Variants in UBE2O observed in about 807,000 individuals in gnomAD.
UBE2O encodes ubiquitin conjugating enzyme E2 O, also known as (E3-independent) E2 ubiquitin-conjugating enzyme.
UBE2O carries 15 observed loss-of-function variants against 125.8 expected under a neutral mutation model. The ratio of observed to expected loss-of-function variants is 0.12; its 90% CI spans 0.08 to 0.18. UBE2O has a LOEUF of 0.18. Ranked by LOEUF, UBE2O falls within the 10% of genes least tolerant of loss-of-function variation. UBE2O has a pLI of 1.00. For missense variants in UBE2O, 1,280 were observed against 1,723.6 expected (o/e 0.74, Z 4.56); for synonymous variants, 708 against 703.2 (o/e 1.01, Z -0.11).
Position 76,402,585 on chromosome 17 carries a change from TG to T in UBE2O, c.686+16del. The T allele has an allele frequency of 6.2e-7, 1 of 1,609,772 alleles. No individual in the cohort carries two copies. The highest frequency in any genetic ancestry group is 8.5e-7 in the Non-Finnish European group (1 of 1,176,076). On this transcript the variant is annotated intron_variant, in intron 4 of 17. Transcript: ENST00000319380. The surrounding 1 kb of genome is among the most constrained non-coding windows in gnomAD (Gnocchi z 5.4). ...TATCCTTCCCAAGCCGATGGCTCTC[TG>T]GTGGTGAGACTCTACCTGGCGCCGT...
chr17:76,392,001 C>A lies in UBE2O; in HGVS notation c.3059G>T (p.Cys1020Phe). 6.3e-7 allele frequency: 1 copy of A among 1,599,454 alleles called. No homozygotes were observed. ...NIYPAVPPHF[C>F]YLSQCSGRLN... ...GCGGCCACTGCATTGGGAGAGGTAG[C>A]AGAAGTGGGGGGGCACGGCTGGGTA... Residue 1020 changes from cysteine to phenylalanine, a missense_variant, in exon 16 of 18, where the codon TGC becomes TTC. By Grantham distance (205) the Cys-to-Phe change is radical. Around this residue, in one of 10 missense-constraint regions of UBE2O, gnomAD observed 37 missense variants for 115.6 expected, o/e 0.32. Transcript: ENST00000319380.
chr17:76,421,218 G>A (rs546390656), intron 1 of UBE2O, among the ~76,000 whole-genome samples: 17 of 152,294 alleles, frequency 1.1e-4, no homozygotes, highest in African/African-American at 3.9e-4. Context: ...GAGCCCAACC[G>A]TAGGGAAACA....
At chr17:76,446,627 T>G (rs2073157225) in intron 1 of UBE2O, among the ~76,000 whole-genome samples, 1 of 152,206 alleles carries the variant, frequency 6.6e-6, no homozygotes, top group Admixed American at 6.5e-5. Context: ...CAAGGAATCC[T>G]TCCTGAACCT....
At chr17:76,409,408 T>G (rs1400612618) in intron 1 of UBE2O, among the ~76,000 whole-genome samples, 2 of 151,750 alleles carry the variant, frequency 1.3e-5, no homozygotes, top group East Asian at 3.9e-4. Context: ...CTACTTTTTT[T>G]TTTTTTGAGA....
At position 76,452,709 on chromosome 17, in the gene UBE2O, C is replaced by T. The variant is rs751461817; in HGVS notation, c.417+16G>A. The T allele has an allele frequency of 8.0e-6, 11 of 1,381,338 alleles. No individual in the cohort carries two copies. The highest frequency in any genetic ancestry group is 5.1e-5 in the South Asian group (3 of 58,412). The allele number at this position is 1,381,338 out of a possible 1,614,324, so 85.6% of individuals were successfully genotyped here. A position where few individuals can be genotyped will look rare whatever the true frequency, so the allele number is the denominator to read the frequency against. Reference sequence around the variant, plus strand: ...ACCCCCTGCCGCCCGCGCCGCCCAGCCCCCGCCCGCCGCACCTTGGTCTCC... The same window carrying T: ...ACCCCCTGCCGCCCGCGCCGCCCAGTCCCCGCCCGCCGCACCTTGGTCTCC... On this transcript the variant is annotated intron_variant, in intron 1 of 17. Coordinates refer to ENST00000319380, the MANE Select transcript of UBE2O (RefSeq NM_022066.4). This position sits in a 1 kb window ranked among gnomAD's most constrained non-coding sequence, Gnocchi z 4.4.
intron 15 of UBE2O, among the ~76,000 whole-genome samples, chr17:76,394,099 G>A (rs978203584): frequency 1.3e-5 from 2 of 152,226 alleles, no homozygotes; most frequent in African/African-American, 4.8e-5. Context: ...GCAGCACTGG[G>A]CCTTAGGACT....
Position 76,400,321 on chromosome 17 carries a change from G to A in UBE2O, c.1005-24C>T, listed in dbSNP as rs1042234259. 9 of 1,611,234 alleles carry A rather than the reference G, an allele frequency of 5.6e-6. No individual in the cohort carries two copies. Among genetic ancestry groups the A allele is most frequent in the Non-Finnish European group, 7.6e-6 (9 of 1,178,134 alleles). The stretch of plus-strand genomic sequence containing the variant: ...CCCTGGTTGGGGAAGAAGTGGGGGT[G>A]AGCTGGGCTGGACTCCTGGGAGGCC... On this transcript the variant is annotated intron_variant, in intron 7 of 17. Transcript: ENST00000319380. The surrounding 1 kb of genome is among the most constrained non-coding windows in gnomAD (Gnocchi z 4.3).
In UBE2O at chr17:76,400,435, G is replaced by A; in HGVS notation, c.1004+6C>T. 1.2e-6 allele frequency: 2 copies of A among 1,608,462 alleles called. No individual in the cohort carries two copies. The highest frequency in any genetic ancestry group is 1.7e-6 in the Non-Finnish European group (2 of 1,176,792). ...CCTGGGTTGCTGGCAGTAAGGGCAT[G>A]CTTACCTGCCTAGGTTTTCCTGGGT... On this transcript the variant is annotated splice_donor_region_variant and intron_variant, in intron 7 of 17. Coordinates refer to ENST00000319380, the MANE Select transcript of UBE2O (RefSeq NM_022066.4). The surrounding 1 kb of genome is among the most constrained non-coding windows in gnomAD (Gnocchi z 4.3).
rs1223287943 is a variant in UBE2O, at chr17:76,402,611, T to C, written c.677A>G (p.Asn226Ser). ...LKNQIILKLS[N>S]GARCSMNTED... ...GGTGGTGAGACTCTACCTGGCGCCG[T>C]TGGATAGCTTCAGGATGATCTGGTT... Residue 226 changes from asparagine (N) to serine (S), a missense_variant, in exon 4 of 18, where the codon AAC becomes AGC. Around this residue, in one of 10 missense-constraint regions of UBE2O, gnomAD observed 206 missense variants for 315.7 expected, o/e 0.65. Transcript: ENST00000319380. This position sits in a 1 kb window ranked among gnomAD's most constrained non-coding sequence, Gnocchi z 5.4. 5.0e-6 allele frequency: 8 copies of C among 1,613,810 alleles called. No individual in the cohort carries two copies. Among genetic ancestry groups the C allele is most frequent in the Admixed American group, 1.7e-5 (1 of 59,990 alleles).
At chr17:76,424,416 C>A (rs1259855210) in intron 1 of UBE2O, among the ~76,000 whole-genome samples, 1 of 149,692 alleles carries the variant, frequency 6.7e-6, no homozygotes, top group Non-Finnish European at 1.5e-5. Context: ...ACCATATTGG[C>A]CAGGCTGGTC....
intron 1 of UBE2O, among the ~76,000 whole-genome samples, chr17:76,421,568 T>C (rs189230867): frequency 6.6e-6 from 1 of 152,164 alleles, no homozygotes; most frequent in Admixed American, 6.5e-5. Context: ...TTTCTCCATG[T>C]TGGTCAGGCT....
chr17:76,399,580 G>A lies in UBE2O; in HGVS notation c.1497C>T (p.Ser499=). 6.2e-7 allele frequency: 1 copy of A among 1,614,236 alleles called. No homozygotes were observed. Among genetic ancestry groups the A allele is most frequent in the Non-Finnish European group, 8.5e-7 (1 of 1,180,044 alleles). Reference sequence around the variant, plus strand: ...TGCCGCTCTGGGAGGAAGTGGTGGAGCTGGCAGAGGAGGTCACCGAACTGG... The same window carrying A: ...TGCCGCTCTGGGAGGAAGTGGTGGAACTGGCAGAGGAGGTCACCGAACTGG... ...DDTSSVTSSA[S]STTSSQSGSG... Residue 499 remains serine, a synonymous_variant, in exon 9 of 18, where the codon AGC becomes AGT. Transcript: ENST00000319380. This position sits in a 1 kb window ranked among gnomAD's most constrained non-coding sequence, Gnocchi z 6.9.
rs370912660 is a variant in UBE2O, at chr17:76,401,053, G to A, written c.852C>T (p.Pro284=). The change falls in exon 6 of 18, where the codon CCC becomes CCT. Residue 284 remains proline (P), a synonymous_variant. Transcript: ENST00000319380. ...GGAACTTGCTCTTGGTGCTGAGCACGGGCTTGACACCTGACAGCCACTGGA... is the reference window on the plus strand; with the variant it reads ...GGAACTTGCTCTTGGTGCTGAGCACAGGCTTGACACCTGACAGCCACTGGA... The part of the protein sequence containing the change: ...SSVQWLSGVK[P]VLSTKSKFRV... 1.4e-5 allele frequency: 22 copies of A among 1,613,710 alleles called. No homozygotes were observed. The highest frequency in any genetic ancestry group is 1.8e-5 in the Non-Finnish European group (21 of 1,180,028).
chr17:76,389,457 G>C lies in UBE2O; in HGVS notation c.*1486C>G, dbSNP rs1309898868. The C allele has an allele frequency of 1.4e-5, 2 of 138,494 alleles. No homozygotes were observed. The highest frequency in any genetic ancestry group is 3.0e-5 in the Non-Finnish European group (2 of 66,312). The allele number at this position is 138,494 out of a possible 1,614,324, so 8.6% of individuals were successfully genotyped here. On this transcript the variant is annotated 3_prime_UTR_variant, in exon 18 of 18. Transcript: ENST00000319380. ...GACACAAAGGCAACGGAGCCCAGAT[G>C]AATGGCAGAGGGAGGTTTAATGGTG... is the stretch of plus-strand genomic sequence containing the variant.
In UBE2O at chr17:76,410,752, C is replaced by A. The variant is rs928834032; in HGVS notation, c.418-5180G>T. Among the ~76,000 whole-genome samples, 1 of 56,454 alleles carries A rather than the reference C, an allele frequency of 1.8e-5. No individual in the cohort carries two copies. Among genetic ancestry groups the A allele is most frequent in the African/African-American group, 8.0e-5 (1 of 12,534 alleles). The allele number at this position is 56,454 out of a possible 152,430, so 37.0% of individuals were successfully genotyped here. A position where few individuals can be genotyped will look rare whatever the true frequency, so the allele number is the denominator to read the frequency against. The stretch of plus-strand genomic sequence containing the variant: ...CCGGGGAAGCTCACCGGGGGCCTCT[C>A]CTGCCAGGAGCACTCTCCCTCCACG... On this transcript the variant is annotated intron_variant, in intron 1 of 17. Transcript: ENST00000319380. This position sits in a 1 kb window ranked among gnomAD's most constrained non-coding sequence, Gnocchi z 4.0.
intron 1 of UBE2O, among the ~76,000 whole-genome samples, chr17:76,429,987 T>G (rs1284319053): frequency 6.6e-6 from 1 of 152,214 alleles, no homozygotes; most frequent in Non-Finnish European, 1.5e-5. Flanking sequence ...GTTTCATCCC[T>G]CCCTATACAG....
At chr17:76,428,391 A>G (rs1269011583) in intron 1 of UBE2O, among the ~76,000 whole-genome samples, 1 of 152,222 alleles carries the variant, frequency 6.6e-6, no homozygotes, top group African/African-American at 2.4e-5. Context: ...TAGATGTCAG[A>G]CGTTTTTAAT....
rs1267427441 is a variant in UBE2O, at chr17:76,402,939, G to A, written c.589-240C>T. ...GTGGTGGTGGTGGTGGGGCTGCCTG[G>A]AGGGAACGGGGTGGGTGATGCAGGG... On this transcript the variant is annotated intron_variant, in intron 3 of 17. Coordinates refer to ENST00000319380, the MANE Select transcript of UBE2O (RefSeq NM_022066.4). This position sits in a 1 kb window ranked among gnomAD's most constrained non-coding sequence, Gnocchi z 5.4. Among the ~76,000 whole-genome samples, 1 of 152,144 alleles carries A rather than the reference G, an allele frequency of 6.6e-6. No individual in the cohort carries two copies. Among genetic ancestry groups the A allele is most frequent in the African/African-American group, 2.4e-5 (1 of 41,406 alleles).
In UBE2O at chr17:76,398,930, C is replaced by T. The variant is rs764570685; in HGVS notation, c.1690G>A (p.Val564Met). 1.2e-5 allele frequency: 20 copies of T among 1,613,982 alleles called. No individual in the cohort carries two copies. In the South Asian group the frequency reaches 1.4e-4, roughly 12 times the overall value. Residue 564 changes from valine to methionine, a missense_variant, in exon 10 of 18, where the codon GTG becomes ATG. By Grantham distance (21) the Val-to-Met change is conservative. Coordinates refer to ENST00000319380, the MANE Select transcript of UBE2O (RefSeq NM_022066.4). This position sits in a 1 kb window ranked among gnomAD's most constrained non-coding sequence, Gnocchi z 5.4. Reference sequence around the variant, plus strand: ...TCGTTGGAGCGGATGTTGCATTCCACGGAGCCATCCTGCCACATCACGTCG... The same window carrying T: ...TCGTTGGAGCGGATGTTGCATTCCATGGAGCCATCCTGCCACATCACGTCG... Reference protein sequence around the residue: ...SADVMWQDGSVECNIRSNDLF... With the variant: ...SADVMWQDGSMECNIRSNDLF...
Sources: gnomAD v4.1 joint callset for allele counts (sites outside exome capture counted in the v4.1 genomes callset) on GRCh38, gnomAD v4.1.1 for gene constraint, gnomAD v4.1.1 regional missense constraint, Gnocchi (gnomAD v3.1) non-coding constraint, MANE v1.5 for transcripts, NCBI Gene and HGNC (gene_info 2026-07-23, HGNC 2026-07-21) for gene names.